PKM: variants seen among roughly 807,000 people sequenced by gnomAD.
PKM encodes the protein pyruvate kinase M1/2, also known as pyruvate kinase PKM.
A neutral mutation model predicts 49.8 loss-of-function variants in PKM; 18 were observed. The observed-to-expected ratio is 0.36, with a 90% CI of 0.25 to 0.54. The LOEUF (loss-of-function observed/expected upper bound fraction) is 0.54, where lower values mean the gene tolerates loss of function less well. Among genes scored for constraint, PKM ranks in the 20% least tolerant of loss-of-function variants. The pLI is 0.89. For synonymous variants in PKM, 239 were observed against 261.8 expected (o/e 0.91, Z 0.84); for missense variants, 508 against 713.8 (o/e 0.71, Z 3.28).
chr15:72,200,451 T>TA lies in PKM; in HGVS notation c.1489+22dup, dbSNP rs1268510320. ...AGCATCCCCAAGCTCCTCTAGGCTC[T>TA]AGCCCCTGCTCCAGCCACGTACCAA... is the stretch of plus-strand genomic sequence containing the variant. On this transcript the variant is annotated intron_variant, in intron 10 of 10. Coordinates refer to ENST00000335181, the MANE Select transcript of PKM (RefSeq NM_002654.6). The surrounding 1 kb of genome is among the most constrained non-coding windows in gnomAD (Gnocchi z 4.6). 6.2e-7 allele frequency: 1 copy of TA among 1,609,608 alleles called. No homozygotes were observed. Among genetic ancestry groups the TA allele is most frequent in the Non-Finnish European group, 8.5e-7 (1 of 1,177,616 alleles).
intron 6 of PKM, among the ~76,000 whole-genome samples, chr15:72,208,217 C>T (rs141853070): frequency 7.2e-5 from 11 of 151,970 alleles, no homozygotes; most frequent in Non-Finnish European, 1.5e-4. Context: ...CCAGGAAGGG[C>T]CAAAAAGAGC....
At chr15:72,224,322 A>C (rs1036472350) in intron 1 of PKM, among the ~76,000 whole-genome samples, 1 of 152,076 alleles carries the variant, frequency 6.6e-6, no homozygotes, top group African/African-American at 2.4e-5. Flanking sequence ...GGGTCCTCTT[A>C]AGTGCAACTA....
At position 72,202,694 on chromosome 15, in the gene PKM, G is replaced by A. The variant is rs2081975038; in HGVS notation, c.1141-74C>T. On this transcript the variant is annotated intron_variant, in intron 8 of 10. Transcript: ENST00000335181. The surrounding 1 kb of genome is among the most constrained non-coding windows in gnomAD (Gnocchi z 4.5). The stretch of plus-strand genomic sequence containing the variant: ...GTCAGAGCTTTGTCACAAAAGGAGA[G>A]GGAGGGGAAGAGTCACCGGACAGCT... 7.4e-7 allele frequency: 1 copy of A among 1,348,440 alleles called. No individual in the cohort carries two copies. The highest frequency in any genetic ancestry group is 1.2e-5 in the South Asian group (1 of 81,386). The allele number at this position is 1,348,440 out of a possible 1,614,324, so 83.5% of individuals were successfully genotyped here.
chr15:72,210,522 A>T (rs748990079), intron 3 of PKM, 44 bp from the exon 4 acceptor site: 2 of 1,612,716 alleles, frequency 1.2e-6, no homozygotes, highest in Non-Finnish European at 1.7e-6. Context: ...CCCACACTAG[A>T]ATCCAGCTCC....
At position 72,223,098 on chromosome 15, in the gene PKM, T is replaced by C. The variant is rs143752964; in HGVS notation, c.-13-3988A>G. ...GCAGTGGTGTGATTATATTATATTATAGCTCACTGCACCCTCAAACGATCC... is the reference window on the plus strand; with the variant it reads ...GCAGTGGTGTGATTATATTATATTACAGCTCACTGCACCCTCAAACGATCC... On this transcript the variant is annotated intron_variant, in intron 1 of 10. Coordinates refer to ENST00000335181, the MANE Select transcript of PKM (RefSeq NM_002654.6). Among the ~76,000 whole-genome samples the C allele has an allele frequency of 3.9e-3, 590 of 150,984 alleles. 5 individuals are homozygous for C. Among genetic ancestry groups the C allele is most frequent in the African/African-American group, 0.013 (553 of 41,024 alleles).
intron 3 of PKM, among the ~76,000 whole-genome samples, chr15:72,213,891 C>G (rs566091765): frequency 6.6e-6 from 1 of 152,296 alleles, no homozygotes; most frequent in East Asian, 1.9e-4. Context: ...GAAATATTCT[C>G]TTTTCTATTC....
intron 8 of PKM, among the ~76,000 whole-genome samples, chr15:72,204,945 C>T (rs1374245963): frequency 6.6e-6 from 1 of 152,108 alleles, no homozygotes; most frequent in Non-Finnish European, 1.5e-5. Context: ...CAAGGTGCAC[C>T]GTCTCCTGGG....
Position 72,231,096 on chromosome 15 carries a change from T to C in PKM, c.-14+20A>G, listed in dbSNP as rs1192697221. 6.4e-6 allele frequency: 3 copies of C among 471,608 alleles called. No homozygotes were observed. The highest frequency in any genetic ancestry group is 4.0e-5 in the African/African-American group (2 of 50,168). The allele number at this position is 471,608 out of a possible 1,614,324, so 29.2% of individuals were successfully genotyped here. A position where few individuals can be genotyped will look rare whatever the true frequency, so the allele number is the denominator to read the frequency against. On this transcript the variant is annotated intron_variant, in intron 1 of 10. Transcript: ENST00000335181. ...TGGCCCTTGGTGGGGACTGATGGCG[T>C]AGCCTCCTGCACCGCTCACCTCCGG...
In PKM at chr15:72,202,942, G is replaced by T; in HGVS notation, c.1141-322C>A. 1 of 1,392,714 alleles carries T rather than the reference G, an allele frequency of 7.2e-7. No individual in the cohort carries two copies. Among genetic ancestry groups the T allele is most frequent in the Non-Finnish European group, 1.0e-6 (1 of 985,838 alleles). The allele number at this position is 1,392,714 out of a possible 1,614,324, so 86.3% of individuals were successfully genotyped here. ...AGGCTCTGTGCCCAGATGCCAGGTT[G>T]GGCCTGGCTGTCTTCTCCTAGAGCA... On this transcript the variant is annotated intron_variant, in intron 8 of 10. Coordinates refer to ENST00000335181, the MANE Select transcript of PKM (RefSeq NM_002654.6). The surrounding 1 kb of genome is among the most constrained non-coding windows in gnomAD (Gnocchi z 4.5).
chr15:72,227,587 T>C (rs1441651850), intron 1 of PKM, among the ~76,000 whole-genome samples: 1 of 151,420 alleles, frequency 6.6e-6, no homozygotes, highest in East Asian at 1.9e-4. Flanking sequence ...CTACTAAAAA[T>C]ACAAAAATAT....
chr15:72,207,576 A>G (rs897522020), intron 6 of PKM, among the ~76,000 whole-genome samples: 4 of 152,224 alleles, frequency 2.6e-5, no homozygotes, highest in Non-Finnish European at 5.9e-5. Context: ...TCCAAATCCC[A>G]TGCATGTTAG....
chr15:72,210,326 C>A (rs749804111), intron 4 of PKM, 21 bp downstream of exon 4: 4 of 1,611,852 alleles, frequency 2.5e-6, no homozygotes, highest in African/African-American at 1.3e-5. Context: ...GCCTTCCCCT[C>A]GCTCTCCGCA....
intron 2 of PKM, 108 bp downstream of exon 2, chr15:72,218,836 T>C (rs1277095047): frequency 3.6e-6 from 4 of 1,099,648 alleles, no homozygotes; most frequent in South Asian, 2.6e-5. Context: ...ATCTGTGTAG[T>C]ATCCCATGTA....
chr15:72,209,506 T>C lies in PKM; in HGVS notation c.565+167A>G, dbSNP rs2082188148. The C allele has an allele frequency of 3.4e-5, 21 of 608,982 alleles. No homozygotes were observed. The South Asian group carries it at 3.5e-4, about 10-fold the overall frequency. The allele number at this position is 608,982 out of a possible 1,614,324, so 37.7% of individuals were successfully genotyped here. ...CAGAACCAGAAGAATGTAACTATGC[T>C]GGATTAAAGCCTATCTTTGAGGATA... On this transcript the variant is annotated intron_variant, in intron 5 of 10. Coordinates refer to ENST00000335181, the MANE Select transcript of PKM (RefSeq NM_002654.6).
At chr15:72,231,457 C>G (rs1046541720), upstream of PKM, 1 of 152,434 alleles carries the variant, frequency 6.6e-6, no homozygotes, top group African/African-American at 2.4e-5. Flanking sequence ...GGGGACGCGG[C>G]GGGGCAACGG....
At chr15:72,201,865 C>T (rs1210168619) in intron 9 of PKM, 1 of 165,068 alleles carries the variant, frequency 6.1e-6, no homozygotes, top group Non-Finnish European at 1.3e-5. Context: ...AGGACATTAA[C>T]TCAATGTCCT....
At chr15:72,219,403 A>C (rs1319747234) in intron 1 of PKM, 4 of 286,508 alleles carry the variant, frequency 1.4e-5, no homozygotes. Flanking sequence ...GGGCTGACTG[A>C]CATCTACCTA....
chr15:72,204,635 T>A (rs867098279), intron 8 of PKM: 8 of 152,330 alleles, frequency 5.3e-5, no homozygotes, highest in Admixed American at 2.6e-4. Flanking sequence ...ATTACATCCA[T>A]GTACACAGAG....
chr15:72,202,674 A>G lies in PKM; in HGVS notation c.1141-54T>C. ...CGAGAGGGGGACAGAGCTTTGTCAG[A>G]GCTTTGTCACAAAAGGAGAGGGAGG... On this transcript the variant is annotated intron_variant, in intron 8 of 10. Coordinates refer to ENST00000335181, the MANE Select transcript of PKM (RefSeq NM_002654.6). This position sits in a 1 kb window ranked among gnomAD's most constrained non-coding sequence, Gnocchi z 4.5. 6.6e-7 allele frequency: 1 copy of G among 1,507,402 alleles called. No individual in the cohort carries two copies. The highest frequency in any genetic ancestry group is 1.4e-5 in the African/African-American group (1 of 72,818). 93.4% of individuals were successfully genotyped at this position (1,507,402 alleles called of 1,614,324 possible).
Sources: allele counts gnomAD v4.1 joint callset (sites outside exome capture counted in the v4.1 genomes callset), GRCh38; gene constraint gnomAD v4.1.1; non-coding constraint Gnocchi (gnomAD v3.1); transcripts MANE v1.5; gene names NCBI Gene and HGNC (gene_info 2026-07-23, HGNC 2026-07-21).